TENM3: variants seen among roughly 807,000 people sequenced by gnomAD.
The protein encoded by TENM3 is teneurin-3.
Under a neutral mutation model 255.1 loss-of-function variants are expected in TENM3, and 63 were observed. That is an observed-to-expected ratio of 0.25 (90% confidence interval 0.20 to 0.30). TENM3 has a LOEUF of 0.30. TENM3 is among the 10% of genes least tolerant of loss of function. TENM3 has a pLI of 1.00. For synonymous variants in TENM3, 1,306 were observed against 1,322.3 expected (o/e 0.99, Z 0.27); for missense variants, 2,929 against 3,461.1 (o/e 0.85, Z 3.86).
chr4:181,663,274 G>C, the TENM3 span, among the ~76,000 whole-genome samples: 1 of 152,160 alleles, frequency 6.6e-6, no homozygotes, highest in East Asian at 1.9e-4. Context: ...GTTTGCCTGT[G>C]CTCCAGAGGC....
At chr4:182,518,432 G>T (rs898901854) in intron 3 of TENM3, among the ~76,000 whole-genome samples, 1 of 152,114 alleles carries the variant, frequency 6.6e-6, no homozygotes, top group African/African-American at 2.4e-5. Context: ...CATCTAGTGG[G>T]AGATCATCTT....
At chr4:182,385,587 A>G (rs957593686) in intron 3 of TENM3, among the ~76,000 whole-genome samples, 1 of 152,202 alleles carries the variant, frequency 6.6e-6, no homozygotes, top group Admixed American at 6.5e-5. Flanking sequence ...AAAGATAAGA[A>G]ATTACTATTA....
At chr4:181,846,604 A>C in the TENM3 span, among the ~76,000 whole-genome samples, 1 of 152,212 alleles carries the variant, frequency 6.6e-6, no homozygotes. Flanking sequence ...GAGACAAGAC[A>C]ATTTTGCCTG....
At chr4:182,473,903 A>G (rs902838444) in intron 3 of TENM3, among the ~76,000 whole-genome samples, 1 of 152,046 alleles carries the variant, frequency 6.6e-6, no homozygotes, top group Non-Finnish European at 1.5e-5. Context: ...GGTTGCAGTG[A>G]GCTATGATTG....
chr4:181,878,587 A>C, the TENM3 span, among the ~76,000 whole-genome samples: 8 of 152,138 alleles, frequency 5.3e-5, no homozygotes, highest in African/African-American at 1.4e-4. Context: ...ACTCCCAAAG[A>C]AACTTTTTTT....
chr4:182,755,814 T>C (rs998435770), intron 22 of TENM3, among the ~76,000 whole-genome samples: 3 of 150,506 alleles, frequency 2.0e-5, no homozygotes, highest in Non-Finnish European at 4.4e-5. Flanking sequence ...CACTCCAGTC[T>C]CTGGGCGACA....
the TENM3 span, among the ~76,000 whole-genome samples, chr4:182,036,143 G>T: frequency 6.6e-6 from 1 of 152,016 alleles, no homozygotes; most frequent in African/African-American, 2.4e-5. Flanking sequence ...CTGTGCTGTG[G>T]TCCTACAGCA....
chr4:182,111,074 A>C, the TENM3 span, among the ~76,000 whole-genome samples: 1 of 152,182 alleles, frequency 6.6e-6, no homozygotes, highest in Non-Finnish European at 1.5e-5. Context: ...GTCAACTAAC[A>C]ATGGAAAACA....
chr4:182,799,511 C>G lies in TENM3; in HGVS notation c.7345-85C>G. The stretch of plus-strand genomic sequence containing the variant: ...CGGGGCTTCCATGCATGCCCCGGCG[C>G]TGCCCCCAGAGTCCCGTGTGTGGGT... On this transcript the variant is annotated intron_variant, in intron 27 of 27. Coordinates refer to ENST00000511685, the MANE Select transcript of TENM3 (RefSeq NM_001080477.4). This position sits in a 1 kb window ranked among gnomAD's most constrained non-coding sequence, Gnocchi z 4.2. 6.7e-7 allele frequency: 1 copy of G among 1,483,300 alleles called. No homozygotes were observed. Among genetic ancestry groups the G allele is most frequent in the East Asian group, 2.5e-5 (1 of 40,350 alleles). The allele number at this position is 1,483,300 out of a possible 1,614,324, so 91.9% of individuals were successfully genotyped here.
At chr4:181,743,796 A>G in the TENM3 span, among the ~76,000 whole-genome samples, 1 of 152,244 alleles carries the variant, frequency 6.6e-6, no homozygotes, top group Non-Finnish European at 1.5e-5. Flanking sequence ...GAGATGCCAT[A>G]ATCTGATGAA....
chr4:181,471,477 C>T, the TENM3 span, among the ~76,000 whole-genome samples: 5 of 152,124 alleles, frequency 3.3e-5, no homozygotes, highest in Admixed American at 6.5e-5. Context: ...GTTGTATGGG[C>T]GGCTGTGCTG....
intron 3 of TENM3, among the ~76,000 whole-genome samples, chr4:182,443,649 G>C (rs1772676781): frequency 6.6e-6 from 1 of 152,134 alleles, no homozygotes; most frequent in Non-Finnish European, 1.5e-5. Context: ...TGCCAGGACA[G>C]GACTGAAGCT....
At chr4:182,226,667 C>G (rs371440800) in intron 1 of TENM3, among the ~76,000 whole-genome samples, 5 of 152,254 alleles carry the variant, frequency 3.3e-5, no homozygotes, top group African/African-American at 1.2e-4. Flanking sequence ...CTCCCTCCAC[C>G]TTGGACCCAT....
intron 3 of TENM3, among the ~76,000 whole-genome samples, chr4:182,528,767 G>A (rs1739482361): frequency 6.6e-6 from 1 of 152,196 alleles, no homozygotes; most frequent in Non-Finnish European, 1.5e-5. Flanking sequence ...CCGCACATAA[G>A]AGGCACTAAC....
At chr4:181,708,634 T>C in the TENM3 span, among the ~76,000 whole-genome samples, 1 of 152,018 alleles carries the variant, frequency 6.6e-6, no homozygotes, top group African/African-American at 2.4e-5. Context: ...ACCTTATTAT[T>C]CTCCTGATCT....
At chr4:182,370,571 C>T (rs1766735003) in intron 3 of TENM3, among the ~76,000 whole-genome samples, 1 of 152,196 alleles carries the variant, frequency 6.6e-6, no homozygotes, top group Non-Finnish European at 1.5e-5. Flanking sequence ...TTCTCTTTCA[C>T]ATACTTTTCA....
At chr4:181,466,385 G>A in the TENM3 span, among the ~76,000 whole-genome samples, 1 of 152,134 alleles carries the variant, frequency 6.6e-6, no homozygotes, top group South Asian at 2.1e-4. Flanking sequence ...CAAAGTGCTG[G>A]GATTACAGGC....
the TENM3 span, among the ~76,000 whole-genome samples, chr4:181,895,159 A>C: frequency 6.6e-6 from 1 of 152,106 alleles, no homozygotes; most frequent in Non-Finnish European, 1.5e-5. Context: ...ACGCTGTTAA[A>C]TTAATAAATA....
chr4:182,775,947 A>C (rs79769768), intron 24 of TENM3, among the ~76,000 whole-genome samples: 3,794 of 151,272 alleles, frequency 0.025, 152 homozygotes, highest in African/African-American at 0.087. Context: ...TAGATAGGAG[A>C]TATGTAGATG....
Sources: gnomAD v4.1 joint callset for allele counts (sites outside exome capture counted in the v4.1 genomes callset) on GRCh38, gnomAD v4.1.1 for gene constraint, Gnocchi (gnomAD v3.1) non-coding constraint, MANE v1.5 for transcripts, NCBI Gene and HGNC (gene_info 2026-07-23, HGNC 2026-07-21) for gene names.